Variants in SOCS7 observed in about 807,000 individuals in gnomAD.
The protein encoded by SOCS7 is NAP-4.
In SOCS7, 18 loss-of-function variants were observed where a neutral mutation model predicts 58.9. The ratio of observed to expected loss-of-function variants is 0.31; its 90% CI spans 0.21 to 0.45. SOCS7 has a LOEUF of 0.45. Ranked by LOEUF, SOCS7 falls within the 20% of genes least tolerant of loss-of-function variation. The pLI, the probability that SOCS7 is intolerant of heterozygous loss-of-function variation, is 1.00. For missense variants in SOCS7, 667 were observed against 837.3 expected (o/e 0.80, Z 2.51); for synonymous variants, 388 against 364.3 (o/e 1.06, Z -0.74).
At chr17:38,390,472 C>G (rs182665384) in intron 7 of SOCS7, among the ~76,000 whole-genome samples, 267 of 152,186 alleles carry the variant, frequency 1.8e-3, no homozygotes, top group Middle Eastern at 3.4e-3. Flanking sequence ...TTAATACCCC[C>G]ATGTTGGCAA....
intron 7 of SOCS7, among the ~76,000 whole-genome samples, chr17:38,392,753 A>G (rs1028377514): frequency 1.3e-5 from 2 of 152,022 alleles, no homozygotes; most frequent in African/African-American, 4.8e-5. Context: ...GTCCTGGACA[A>G]CCTCCCTGTT....
chr17:38,362,984 G>A (rs375438570), intron 2 of SOCS7, among the ~76,000 whole-genome samples: 2 of 152,026 alleles, frequency 1.3e-5, no homozygotes, highest in Non-Finnish European at 2.9e-5. Flanking sequence ...GCATGGTGCC[G>A]CACGCCTGTA....
rs1597719533 is a variant in SOCS7, at chr17:38,402,513, C to T, written c.*3031C>T. The T allele has an allele frequency of 6.6e-6, 1 of 152,382 alleles. No homozygotes were observed. Among genetic ancestry groups the T allele is most frequent in the South Asian group, 2.1e-4 (1 of 4,830 alleles). The allele number at this position is 152,382 out of a possible 1,614,324, so 9.4% of individuals were successfully genotyped here. A position where few individuals can be genotyped will look rare whatever the true frequency, so the allele number is the denominator to read the frequency against. ...CTTTGGGAGGCTGAGGTGGGTGGAT[C>T]ATGAGGTCGGGAGTTCAAGACCAGC... On this transcript the variant is annotated 3_prime_UTR_variant, in exon 10 of 10. Transcript: ENST00000612932.
chr17:38,354,990 C>T (rs41494144), intron 1 of SOCS7, among the ~76,000 whole-genome samples: 3 of 152,230 alleles, frequency 2.0e-5, no homozygotes, highest in Non-Finnish European at 2.9e-5. Flanking sequence ...CAGATTTCTG[C>T]TGCAGAGCAA....
At chr17:38,360,468 G>A (rs1017787223) in intron 1 of SOCS7, among the ~76,000 whole-genome samples, 2 of 151,974 alleles carry the variant, frequency 1.3e-5, no homozygotes, top group African/African-American at 4.8e-5. Context: ...TGGGATTACA[G>A]GAGTGAGCCA....
chr17:38,352,842 C>T lies in SOCS7; in HGVS notation c.790C>T (p.Pro264Ser). The change falls in exon 1 of 10, where the codon CCA becomes TCA. Residue 264 changes from proline to serine, a missense_variant. Transcript: ENST00000612932. This position sits in a 1 kb window ranked among gnomAD's most constrained non-coding sequence, Gnocchi z 5.5. ...CCCGCCTCCTCCCGGGCCCCTCCGG[C>T]CACTCGCGGGTCCTTCTCGGAAGGG... is the stretch of plus-strand genomic sequence containing the variant. ...PPPPPPGPLRPLAGPSRKGSF... is the reference protein window; with the variant it reads ...PPPPPPGPLRSLAGPSRKGSF... 6.3e-7 allele frequency: 1 copy of T among 1,575,472 alleles called. No homozygotes were observed. Among genetic ancestry groups the T allele is most frequent in the Non-Finnish European group, 8.6e-7 (1 of 1,160,928 alleles).
At chr17:38,372,201 G>T (rs1023860858) in intron 6 of SOCS7, among the ~76,000 whole-genome samples, 1 of 152,024 alleles carries the variant, frequency 6.6e-6, no homozygotes, top group Non-Finnish European at 1.5e-5. Flanking sequence ...AATATCAAAA[G>T]AATTAAAAAG....
At position 38,361,681 on chromosome 17, in the gene SOCS7, C is replaced by T. The variant is rs191830301; in HGVS notation, c.981-30C>T. 4.4e-6 allele frequency: 7 copies of T among 1,577,166 alleles called. No homozygotes were observed. The East Asian group carries it at 1.3e-4, about 30-fold the overall frequency. On this transcript the variant is annotated intron_variant, in intron 1 of 9. Coordinates refer to ENST00000612932, the MANE Select transcript of SOCS7 (RefSeq NM_014598.4). ...ATGCATATGTGTTCATTTCTCCCCTCTATTCTCTCTCTGCTTTCTCACTCC... is the reference window on the plus strand; with the variant it reads ...ATGCATATGTGTTCATTTCTCCCCTTTATTCTCTCTCTGCTTTCTCACTCC...
At chr17:38,380,983 A>C (rs1169112024) in intron 7 of SOCS7, among the ~76,000 whole-genome samples, 1 of 152,230 alleles carries the variant, frequency 6.6e-6, no homozygotes, top group African/African-American at 2.4e-5. Context: ...TCGGTTGATC[A>C]GTGCTGAAGC....
At chr17:38,398,891 G>A (rs1221037981) in intron 9 of SOCS7, among the ~76,000 whole-genome samples, 2 of 152,038 alleles carry the variant, frequency 1.3e-5, no homozygotes, top group Admixed American at 1.3e-4. Context: ...AGGAGTTTGA[G>A]ACCAGCCTGG....
In SOCS7 at chr17:38,371,760, T is replaced by G. The variant is rs994316805; in HGVS notation, c.1552+3710T>G. On this transcript the variant is annotated intron_variant, in intron 6 of 9. Coordinates refer to ENST00000612932, the MANE Select transcript of SOCS7 (RefSeq NM_014598.4). ...CTGTGCCTGGCCCTTTTGTGTTTTT[T>G]TTTTTTTTTTTTTTTTTTGTGGGTG... 3.5e-3 allele frequency among the ~76,000 whole-genome samples: 518 copies of G among 149,404 alleles called. 1 individual carries two copies. The highest frequency in any genetic ancestry group is 6.7e-3 in the Non-Finnish European group (453 of 67,326).
Position 38,395,219 on chromosome 17 carries a change from A to T in SOCS7, c.1682-90A>T, listed in dbSNP as rs1289001441. The stretch of plus-strand genomic sequence containing the variant: ...CATATATGAACCATAAAGAAGTCCC[A>T]TTTCCCCTCCCTAGGTTCTCTTCAT... On this transcript the variant is annotated intron_variant, in intron 7 of 9. Transcript: ENST00000612932. 5.3e-5 allele frequency: 74 copies of T among 1,392,554 alleles called. 1 individual carries two copies. The Admixed American group carries it at 1.4e-3, about 26-fold the overall frequency. 86.3% of individuals were successfully genotyped at this position (1,392,554 alleles called of 1,614,324 possible).
chr17:38,351,888 C>G lies in SOCS7; in HGVS notation c.-165C>G, dbSNP rs1339927164. ...GCGGTGGCGGAGCGCGGCCTGGGCT[C>G]GCGCTGGGCTCCGCGCGCCCCCCGC... On this transcript the variant is annotated 5_prime_UTR_variant, in exon 1 of 10. Transcript: ENST00000612932. Among the ~76,000 whole-genome samples the G allele has an allele frequency of 6.6e-6, 1 of 150,816 alleles. No homozygotes were observed. Among genetic ancestry groups the G allele is most frequent in the Non-Finnish European group, 1.5e-5 (1 of 67,360 alleles).
At chr17:38,369,750 A>G (rs1478876082) in intron 6 of SOCS7, among the ~76,000 whole-genome samples, 1 of 139,178 alleles carries the variant, frequency 7.2e-6, no homozygotes, top group Admixed American at 7.6e-5. Flanking sequence ...ATCTCGGCTC[A>G]TTGCAGCCTC....
At chr17:38,384,453 C>T (rs994522590) in intron 7 of SOCS7, among the ~76,000 whole-genome samples, 3 of 152,000 alleles carry the variant, frequency 2.0e-5, no homozygotes, top group Non-Finnish European at 4.4e-5. Flanking sequence ...CCACCATGCT[C>T]GGCTAATTTT....
At chr17:38,396,366 C>T (rs1179362129) in intron 9 of SOCS7, among the ~76,000 whole-genome samples, 1 of 152,180 alleles carries the variant, frequency 6.6e-6, no homozygotes, top group Non-Finnish European at 1.5e-5. Context: ...GCTGATCTCC[C>T]TGATACTGCA....
intron 7 of SOCS7, among the ~76,000 whole-genome samples, chr17:38,391,960 G>A (rs576424830): frequency 1.3e-5 from 2 of 152,246 alleles, no homozygotes; most frequent in African/African-American, 4.8e-5. Context: ...TGGGAGAAAC[G>A]AAAAATAGTG....
In SOCS7 at chr17:38,401,706, A is replaced by T. The variant is rs1389231541; in HGVS notation, c.*2224A>T. On this transcript the variant is annotated 3_prime_UTR_variant, in exon 10 of 10. Transcript: ENST00000612932. ...CTGTGCCTCTGAGGCTTTGGGTTGTAGTCAATGGCAGGACAGACAGTGAGA... is the reference window on the plus strand; with the variant it reads ...CTGTGCCTCTGAGGCTTTGGGTTGTTGTCAATGGCAGGACAGACAGTGAGA... 6.6e-6 allele frequency: 1 copy of T among 152,418 alleles called. No homozygotes were observed. Among genetic ancestry groups the T allele is most frequent in the African/African-American group, 2.4e-5 (1 of 41,442 alleles). 9.4% of individuals were successfully genotyped at this position (152,418 alleles called of 1,614,324 possible). A position where few individuals can be genotyped will look rare whatever the true frequency, so the allele number is the denominator to read the frequency against.
intron 1 of SOCS7, 52 bp downstream of exon 1, chr17:38,353,084 C>T (rs2037582392): frequency 6.9e-7 from 1 of 1,459,132 alleles, no homozygotes; most frequent in Non-Finnish European, 9.1e-7. Flanking sequence ...GTTTGGTTTC[C>T]CTTTTTATCT....
Sources: allele counts gnomAD v4.1 joint callset (sites outside exome capture counted in the v4.1 genomes callset), GRCh38; gene constraint gnomAD v4.1.1; non-coding constraint Gnocchi (gnomAD v3.1); transcripts MANE v1.5; gene names NCBI Gene and HGNC (gene_info 2026-07-23, HGNC 2026-07-21).